Variants in RUNDC3B observed in about 807,000 individuals in gnomAD.
RUNDC3B encodes RUN domain containing 3B.
RUNDC3B carries 33 observed loss-of-function variants against 58.4 expected under a neutral mutation model. The ratio of observed to expected loss-of-function variants is 0.56; its 90% CI spans 0.43 to 0.75. The LOEUF is 0.75. Among genes scored for constraint, RUNDC3B ranks in the 30% least tolerant of loss-of-function variants. The pLI is 0.00. For missense variants in RUNDC3B, 501 were observed against 535.7 expected (o/e 0.94, Z 0.64); for synonymous variants, 193 against 195.2 (o/e 0.99, Z 0.10).
chr7:87,774,702 CA>C (rs1303809612), intron 7 of RUNDC3B, among the ~76,000 whole-genome samples: 2 of 151,660 alleles, frequency 1.3e-5, no homozygotes, highest in African/African-American at 2.4e-5. Flanking sequence ...AATCCCCCGC[CA>C]AAAAAAACTA....
intron 1 of RUNDC3B, among the ~76,000 whole-genome samples, chr7:87,648,239 G>T (rs1254571998): frequency 6.6e-6 from 1 of 151,440 alleles, no homozygotes; most frequent in Non-Finnish European, 1.5e-5. Context: ...CTCAAAGTGA[G>T]ATTTGCATGA....
chr7:87,688,286 A>G (rs1165743908), intron 2 of RUNDC3B, among the ~76,000 whole-genome samples: 1 of 152,136 alleles, frequency 6.6e-6, no homozygotes, highest in East Asian at 1.9e-4. Flanking sequence ...TGAATCTTAT[A>G]TTAATGTTTT....
chr7:87,640,389 T>C (rs1822309836), intron 1 of RUNDC3B, among the ~76,000 whole-genome samples: 1 of 152,088 alleles, frequency 6.6e-6, no homozygotes, highest in African/African-American at 2.4e-5. Context: ...CTTGCTGTGT[T>C]GCCCAGGCTG....
chr7:87,788,229 C>T (rs982868578), intron 8 of RUNDC3B, among the ~76,000 whole-genome samples: 2 of 152,100 alleles, frequency 1.3e-5, no homozygotes, highest in African/African-American at 4.8e-5. Flanking sequence ...TCAAGACCAG[C>T]CTGGAAAACA....
chr7:87,683,293 C>T (rs1021162694), intron 2 of RUNDC3B, among the ~76,000 whole-genome samples: 3 of 152,204 alleles, frequency 2.0e-5, no homozygotes, highest in African/African-American at 7.2e-5. Context: ...TCACTTCCTT[C>T]ATGTGTTCAC....
rs377234384 is a variant in RUNDC3B at position 87,716,203 on chromosome 7, A to G, written c.458+5548A>G. Among the ~76,000 whole-genome samples, 21 of 152,322 alleles carry G rather than the reference A, an allele frequency of 1.4e-4. No homozygotes were observed. In the East Asian group the frequency reaches 2.9e-3, roughly 21 times the overall value. On this transcript the variant is annotated intron_variant, in intron 4 of 10. Coordinates refer to ENST00000394654, the MANE Select transcript of RUNDC3B (RefSeq NM_001134405.2). ...CACTAACTTAGTTTAGTCAGGTCCAACTGTCAGAATGACATGACTCCTGTC... is the reference window on the plus strand; with the variant it reads ...CACTAACTTAGTTTAGTCAGGTCCAGCTGTCAGAATGACATGACTCCTGTC...
chr7:87,733,902 G>T (rs118089956), intron 4 of RUNDC3B, among the ~76,000 whole-genome samples: 1 of 152,116 alleles, frequency 6.6e-6, no homozygotes, highest in African/African-American at 2.4e-5. Context: ...GGACCCCTGC[G>T]ATAAGGGTTT....
chr7:87,819,905 T>A (rs1837316320), intron 10 of RUNDC3B, among the ~76,000 whole-genome samples: 1 of 151,966 alleles, frequency 6.6e-6, no homozygotes, highest in Non-Finnish European at 1.5e-5. Context: ...GAGGGAAATT[T>A]ATAGCACTAA....
intron 6 of RUNDC3B, among the ~76,000 whole-genome samples, chr7:87,742,722 C>G (rs1255773404): frequency 6.6e-6 from 1 of 151,876 alleles, no homozygotes; most frequent in Non-Finnish European, 1.5e-5. Flanking sequence ...AGTAAAAAAT[C>G]TGGGATGATT....
At chr7:87,745,330 A>G (rs1230986438) in intron 6 of RUNDC3B, among the ~76,000 whole-genome samples, 1 of 152,140 alleles carries the variant, frequency 6.6e-6, no homozygotes, top group Non-Finnish European at 1.5e-5. Flanking sequence ...TGCTGGCTTC[A>G]TAGAATGTAT....
intron 6 of RUNDC3B, among the ~76,000 whole-genome samples, chr7:87,759,922 T>C (rs1833582773): frequency 6.6e-6 from 1 of 152,080 alleles, no homozygotes; most frequent in Non-Finnish European, 1.5e-5. Flanking sequence ...TATGTACCCA[T>C]AACCATTAAA....
intron 7 of RUNDC3B, among the ~76,000 whole-genome samples, chr7:87,771,351 A>C (rs978391982): frequency 6.6e-6 from 1 of 152,040 alleles, no homozygotes; most frequent in African/African-American, 2.4e-5. Flanking sequence ...TCATAATTTT[A>C]TAAATATAAA....
intron 8 of RUNDC3B, among the ~76,000 whole-genome samples, chr7:87,799,312 T>C (rs1052151353): frequency 5.3e-5 from 8 of 152,302 alleles, no homozygotes; most frequent in African/African-American, 1.9e-4. Flanking sequence ...AGATACCTCT[T>C]CCAAAGTAGT....
chr7:87,629,858 G>A (rs1339046842), intron 1 of RUNDC3B, among the ~76,000 whole-genome samples: 2 of 151,518 alleles, frequency 1.3e-5, no homozygotes, highest in Non-Finnish European at 2.9e-5. Context: ...CCTGGGAGGC[G>A]GTTGCAATGA....
intron 2 of RUNDC3B, among the ~76,000 whole-genome samples, chr7:87,669,769 T>C (rs1263174130): frequency 3.9e-5 from 6 of 152,158 alleles, no homozygotes; most frequent in African/African-American, 1.4e-4. Flanking sequence ...GTTGAAGATT[T>C]TTTTCTTTAA....
chr7:87,681,539 A>T (rs1226928513), intron 2 of RUNDC3B, among the ~76,000 whole-genome samples: 1 of 150,768 alleles, frequency 6.6e-6, no homozygotes, highest in Non-Finnish European at 1.5e-5. Flanking sequence ...TAATAGCATT[A>T]TGTCTAAAAA....
At chr7:87,810,496 T>A (rs1435970317) in intron 9 of RUNDC3B, among the ~76,000 whole-genome samples, 1 of 152,168 alleles carries the variant, frequency 6.6e-6, no homozygotes, top group African/African-American at 2.4e-5. Context: ...AGCAGTTTGT[T>A]ACTAGGAACT....
intron 4 of RUNDC3B, 78 bp downstream of exon 4, chr7:87,710,733 A>G: frequency 1.4e-6 from 1 of 732,900 alleles, no homozygotes; most frequent in Non-Finnish European, 2.2e-6. Context: ...TAGGATGAAG[A>G]ATCAATTTCT....
At chr7:87,645,314 C>G (rs1221746717) in intron 1 of RUNDC3B, among the ~76,000 whole-genome samples, 1 of 151,988 alleles carries the variant, frequency 6.6e-6, no homozygotes, top group Non-Finnish European at 1.5e-5. Context: ...GAACTCCTGA[C>G]CTCAGGTTGT....
Sources: gnomAD v4.1 joint callset for allele counts (sites outside exome capture counted in the v4.1 genomes callset) on GRCh38, gnomAD v4.1.1 for gene constraint, MANE v1.5 for transcripts, NCBI Gene and HGNC (gene_info 2026-07-23, HGNC 2026-07-21) for gene names.